The following CADM3 variants were observed in gnomAD, a reference collection of about 807,000 sequenced individuals.
CADM3 encodes the protein TSLC1-like 1.
Under a neutral mutation model 44.9 loss-of-function variants are expected in CADM3, and 11 were observed. That is an observed-to-expected ratio of 0.25 (90% CI 0.15 to 0.41). CADM3 has a LOEUF of 0.41. Among genes scored for constraint, CADM3 ranks in the 10% least tolerant of loss-of-function variants. The pLI is 1.00. For synonymous variants in CADM3, 207 were observed against 205.2 expected (o/e 1.01, Z -0.08); for missense variants, 426 against 512.0 (o/e 0.83, Z 1.62).
At chr1:159,175,809 T>C (rs1244984260) in intron 1 of CADM3, among the ~76,000 whole-genome samples, 1 of 152,238 alleles carries the variant, frequency 6.6e-6, no homozygotes, top group Admixed American at 6.5e-5. Flanking sequence ...TGACTCATAG[T>C]TCTGCAGCCA....
intron 1 of CADM3, among the ~76,000 whole-genome samples, chr1:159,187,924 T>C (rs112783422): frequency 6.6e-5 from 10 of 151,404 alleles, no homozygotes; most frequent in African/African-American, 2.4e-4. Flanking sequence ...CCCAGCCCCC[T>C]TTCCTTCTCT....
At chr1:159,182,209 G>C (rs1302168151) in intron 1 of CADM3, among the ~76,000 whole-genome samples, 2 of 152,194 alleles carry the variant, frequency 1.3e-5, no homozygotes, top group Non-Finnish European at 2.9e-5. Flanking sequence ...AAGCCCTGAA[G>C]TGTAAGAAGA....
chr1:159,189,670 C>T (rs560629981), intron 1 of CADM3: 3 of 852,548 alleles, frequency 3.5e-6, no homozygotes, highest in Non-Finnish European at 5.5e-6. Context: ...CTATTTTTCA[C>T]AGGGACCTAG....
rs75333848 is a variant in CADM3, at chr1:159,175,766, T to C, written c.88+3913T>C. On this transcript the variant is annotated intron_variant, in intron 1 of 8. Coordinates refer to ENST00000368125, the MANE Select transcript of CADM3 (RefSeq NM_001127173.3). ...TCCAAATCTAATTGCAAGAGTGCCT[T>C]GTTGGAGATATTCACTATTCACTTG... 2.2e-3 allele frequency among the ~76,000 whole-genome samples: 329 copies of C among 152,328 alleles called. 5 individuals carry two copies. Among genetic ancestry groups the C allele is most frequent in the African/African-American group, 7.3e-3 (302 of 41,568 alleles).
chr1:159,171,850 G>T lies in CADM3; in HGVS notation c.85G>T (p.Asp29Tyr), dbSNP rs1392018025. 12 of 1,242,214 alleles carry T rather than the reference G, an allele frequency of 9.7e-6. No homozygotes were observed. The highest frequency in any genetic ancestry group is 1.1e-5 in the Non-Finnish European group (11 of 991,544). 76.9% of individuals were successfully genotyped at this position (1,242,214 alleles called of 1,614,324 possible). A position where few individuals can be genotyped will look rare whatever the true frequency, so the allele number is the denominator to read the frequency against. Residue 29 changes from aspartate (D) to tyrosine (Y), a missense_variant, in exon 1 of 9, where the codon GAC (aspartate) becomes TAC (tyrosine). This residue lies in a region of CADM3 where 64 missense variants were observed against 37.4 expected (regional missense o/e 1.71). Coordinates refer to ENST00000368125, the MANE Select transcript of CADM3 (RefSeq NM_001127173.3). The part of the protein sequence containing the change: ...WAPGGANLSQ[D>Y]DSQPWTSDET... ...GCCCGGCGGGGCCAACCTCTCCCAG[G>T]ACGGTGAGTGAGGGAGGGGGCGGCG...
At chr1:159,187,708 C>A (rs1649473722) in intron 1 of CADM3, among the ~76,000 whole-genome samples, 1 of 152,150 alleles carries the variant, frequency 6.6e-6, no homozygotes, top group Non-Finnish European at 1.5e-5. Context: ...TGTCCCTCTG[C>A]CGTCCCACAC....
Position 159,193,575 on chromosome 1 carries a change from C to A in CADM3, c.520+15C>A. 2 of 1,614,062 alleles carry A rather than the reference C, an allele frequency of 1.2e-6. No individual in the cohort carries two copies. Among genetic ancestry groups the A allele is most frequent in the East Asian group, 4.5e-5 (2 of 44,876 alleles). Reference sequence around the variant, plus strand: ...AGAACTCCACGGTGAGTACCTCCTGCCTTGGGGTTACAGGAGAAAGTGGTG... The same window carrying A: ...AGAACTCCACGGTGAGTACCTCCTGACTTGGGGTTACAGGAGAAAGTGGTG... On this transcript the variant is annotated intron_variant, in intron 4 of 8. Transcript: ENST00000368125.
At chr1:159,197,272 G>C (rs1649944579) in intron 7 of CADM3, 1 of 501,500 alleles carries the variant, frequency 2.0e-6, no homozygotes, top group Admixed American at 3.4e-5. Context: ...AGAAGGGTGG[G>C]CTCTCATCTG....
intron 4 of CADM3, 104 bp downstream of exon 4, chr1:159,193,664 G>A: frequency 6.5e-7 from 1 of 1,531,234 alleles, no homozygotes; most frequent in East Asian, 2.3e-5. Flanking sequence ...GAAGAGAAAA[G>A]GGGAATGACA....
intron 8 of CADM3, among the ~76,000 whole-genome samples, chr1:159,200,196 C>T (rs1200347406): frequency 2.0e-5 from 3 of 152,186 alleles, no homozygotes; most frequent in African/African-American, 7.2e-5. Flanking sequence ...GAAACTGCAT[C>T]TCCATCTCAT....
intron 1 of CADM3, among the ~76,000 whole-genome samples, chr1:159,185,484 C>G (rs1432981877): frequency 1.3e-5 from 2 of 152,150 alleles, no homozygotes. Context: ...TCAGAGAGGT[C>G]TAAGTTTAAA....
chr1:159,175,322 T>G (rs535886625), intron 1 of CADM3, among the ~76,000 whole-genome samples: 1 of 152,350 alleles, frequency 6.6e-6, no homozygotes, highest in East Asian at 1.9e-4. Context: ...CAGAGTTTAG[T>G]TAATTCCATG....
chr1:159,173,263 G>A (rs1456304785), intron 1 of CADM3, among the ~76,000 whole-genome samples: 2 of 151,978 alleles, frequency 1.3e-5, no homozygotes, highest in Non-Finnish European at 2.9e-5. Context: ...AAACTGGGAA[G>A]GATGATGTAG....
At chr1:159,187,300 G>A (rs1649455779) in intron 1 of CADM3, among the ~76,000 whole-genome samples, 1 of 152,168 alleles carries the variant, frequency 6.6e-6, no homozygotes, top group Non-Finnish European at 1.5e-5. Flanking sequence ...ATAACTTAAG[G>A]CTCCTGCTCT....
chr1:159,200,018 A>G (rs1187269221), intron 8 of CADM3, 142 bp downstream of exon 8: 19 of 1,104,718 alleles, frequency 1.7e-5, no homozygotes, highest in Admixed American at 4.3e-5. Context: ...TTAAAAATGG[A>G]GCCAACCCTA....
At chr1:159,172,167 T>C (rs1648837543) in intron 1 of CADM3, among the ~76,000 whole-genome samples, 1 of 151,904 alleles carries the variant, frequency 6.6e-6, no homozygotes, top group Non-Finnish European at 1.5e-5. Context: ...TGCGCGCGCG[T>C]CTGTGTTGGT....
At chr1:159,192,948 CTT>C (rs1323438278) in intron 3 of CADM3, among the ~76,000 whole-genome samples, 2 of 152,290 alleles carry the variant, frequency 1.3e-5, no homozygotes, top group East Asian at 3.9e-4. Context: ...TTCTTACTCT[CTT>C]TGAGTCTGAA....
At position 159,200,970 on chromosome 1, in the gene CADM3, C is replaced by A; in HGVS notation, c.*48C>A. 2 of 1,417,206 alleles carry A rather than the reference C, an allele frequency of 1.4e-6. No homozygotes were observed. Among genetic ancestry groups the A allele is most frequent in the East Asian group, 2.4e-5 (1 of 41,692 alleles). 87.8% of individuals were successfully genotyped at this position (1,417,206 alleles called of 1,614,324 possible). A position where few individuals can be genotyped will look rare whatever the true frequency, so the allele number is the denominator to read the frequency against. On this transcript the variant is annotated 3_prime_UTR_variant, in exon 9 of 9. Coordinates refer to ENST00000368125, the MANE Select transcript of CADM3 (RefSeq NM_001127173.3). Reference sequence around the variant, plus strand: ...CCCCCCAGGGGCCCTGTGGGGACTGCTGGGGCCGTCACCAACCCGGACTTG... The same window carrying A: ...CCCCCCAGGGGCCCTGTGGGGACTGATGGGGCCGTCACCAACCCGGACTTG...
At chr1:159,184,440 T>TCATCATCATCAC (rs1300045621) in intron 1 of CADM3, among the ~76,000 whole-genome samples, 1 of 152,224 alleles carries the variant, frequency 6.6e-6, no homozygotes, top group East Asian at 1.9e-4. Flanking sequence ...TGAGTCATCA[T>TCATCATCATCAC]CATCATCATC....
Sources: gnomAD v4.1 joint callset for allele counts (sites outside exome capture counted in the v4.1 genomes callset) on GRCh38, gnomAD v4.1.1 for gene constraint, gnomAD v4.1.1 regional missense constraint, MANE v1.5 for transcripts, NCBI Gene and HGNC (gene_info 2026-07-23, HGNC 2026-07-21) for gene names.